UVSSA: variants seen among roughly 807,000 people sequenced by gnomAD.
UVSSA encodes the protein UV-stimulated scaffold protein A.
In UVSSA, 72 loss-of-function variants were observed where a neutral mutation model predicts 73.9. The ratio of observed to expected loss-of-function variants is 0.97; its 90% CI spans 0.81 to 1.19. The LOEUF is 1.19. Among genes scored for constraint, UVSSA ranks in the 50% most tolerant of loss-of-function variants. The pLI, the probability that UVSSA is intolerant of heterozygous loss-of-function variation, is 0.00. For synonymous variants in UVSSA, 454 were observed against 391.3 expected, an observed-to-expected ratio of 1.16 and a Z score of -1.89; for missense variants, 1,150 against 965.0, an observed-to-expected ratio of 1.19 and a Z score of -2.54.
intron 8 of UVSSA, among the ~76,000 whole-genome samples, 183 bp downstream of exon 8, chr4:1,366,614 G>A (rs1717364003): frequency 6.6e-6 from 1 of 152,224 alleles, no homozygotes. Context: ...AGTCGTGTGT[G>A]TGCTTTTCCT....
intron 3 of UVSSA, among the ~76,000 whole-genome samples, chr4:1,350,505 GA>G (rs1714538858): frequency 1.3e-5 from 2 of 152,226 alleles, no homozygotes; most frequent in Non-Finnish European, 2.9e-5. Context: ...CCTGCTAATG[GA>G]ACAAGCACAC....
intron 7 of UVSSA, 168 bp from the exon 8 acceptor site, chr4:1,366,152 A>G: frequency 1.7e-6 from 1 of 594,210 alleles, no homozygotes; most frequent in Non-Finnish European, 3.0e-6. Context: ...GGGAACAAGA[A>G]CAGCCTTGGA....
chr4:1,349,239 A>C (rs1307291840), intron 2 of UVSSA, among the ~76,000 whole-genome samples: 5 of 152,204 alleles, frequency 3.3e-5, no homozygotes, highest in African/African-American at 1.2e-4. Context: ...TTGTGAATGA[A>C]CACCGACATT....
chr4:1,378,167 A>G (rs538008537), intron 10 of UVSSA, among the ~76,000 whole-genome samples: 1 of 152,248 alleles, frequency 6.6e-6, no homozygotes, highest in South Asian at 2.1e-4. Context: ...CCGGGAAGCC[A>G]GGGCCTGGCC....
At chr4:1,384,095 C>A in intron 13 of UVSSA, 155 bp downstream of exon 13, 1 of 947,476 alleles carries the variant, frequency 1.1e-6, no homozygotes, top group South Asian at 1.8e-5. Context: ...AGCCTTTCCC[C>A]GGGGAGGGGC....
At chr4:1,388,985 A>C (rs1489212139), downstream of UVSSA, 2 of 152,030 alleles carry the variant, frequency 1.3e-5, no homozygotes, top group Non-Finnish European at 2.9e-5. Context: ...TATTTTTTGG[A>C]AGAGTTTGTG....
At chr4:1,395,270 G>T in exon 14 of UVSSA, 2 of 1,502,820 alleles carry the variant, frequency 1.3e-6, no homozygotes, top group Non-Finnish European at 1.8e-6. Flanking sequence ...GCCTGCTCAC[G>T]TGCCGATGTG....
chr4:1,370,975 C>T (rs75602231), intron 8 of UVSSA, among the ~76,000 whole-genome samples: 2 of 152,232 alleles, frequency 1.3e-5, no homozygotes, highest in East Asian at 1.9e-4. Flanking sequence ...CCCCTGTGCC[C>T]GGCGGCCTTG....
Position 1,381,138 on chromosome 4 carries a change from C to T in UVSSA, c.1861+150C>T, listed in dbSNP as rs1010980469. ...GCCTCTCGGTCATAACTGGCAGAATCAGGAGGGGATGCTGCCCTGAGGGTC... is the reference window on the plus strand; with the variant it reads ...GCCTCTCGGTCATAACTGGCAGAATTAGGAGGGGATGCTGCCCTGAGGGTC... On this transcript the variant is annotated intron_variant, in intron 12 of 13. Coordinates refer to ENST00000389851, the MANE Select transcript of UVSSA (RefSeq NM_020894.4). 1.6e-5 allele frequency: 12 copies of T among 754,380 alleles called. No individual in the cohort carries two copies. The East Asian group carries it at 2.5e-4, about 16-fold the overall frequency. The allele number at this position is 754,380 out of a possible 1,614,324, so 46.7% of individuals were successfully genotyped here. A position where few individuals can be genotyped will look rare whatever the true frequency, so the allele number is the denominator to read the frequency against.
chr4:1,359,142 A>G (rs1426176976), intron 7 of UVSSA: 1 of 152,202 alleles, frequency 6.6e-6, no homozygotes, highest in Non-Finnish European at 1.5e-5. Flanking sequence ...GCGGGTTTGA[A>G]TATGTGTGCT....
intron 7 of UVSSA, among the ~76,000 whole-genome samples, chr4:1,364,001 G>A (rs568591923): frequency 1.8e-3 from 260 of 142,884 alleles, no homozygotes; most frequent in African/African-American, 6.3e-3. Flanking sequence ...GCCTGGCTCC[G>A]TGGGGGCCAC....
At position 1,351,853 on chromosome 4, in the gene UVSSA, A is replaced by G; in HGVS notation, c.550+18A>G. Reference sequence around the variant, plus strand: ...GATGCAAGGCAAGTGTCCAGGACGGAGGGAGGGGCCCACGCCTCTGAGGGT... The same window carrying G: ...GATGCAAGGCAAGTGTCCAGGACGGGGGGAGGGGCCCACGCCTCTGAGGGT... On this transcript the variant is annotated intron_variant, in intron 4 of 13. Coordinates refer to ENST00000389851, the MANE Select transcript of UVSSA (RefSeq NM_020894.4). 12 of 1,611,486 alleles carry G rather than the reference A, an allele frequency of 7.4e-6. No individual in the cohort carries two copies. The highest frequency in any genetic ancestry group is 1.3e-5 in the African/African-American group (1 of 74,984).
At chr4:1,357,419 C>T (rs940588662) in intron 7 of UVSSA, among the ~76,000 whole-genome samples, 1 of 152,254 alleles carries the variant, frequency 6.6e-6, no homozygotes, top group African/African-American at 2.4e-5. Context: ...CTGGTGCTAC[C>T]CCTGCCTGCA....
chr4:1,383,208 A>C (rs926022539), intron 12 of UVSSA, among the ~76,000 whole-genome samples: 1 of 152,110 alleles, frequency 6.6e-6, no homozygotes, highest in Non-Finnish European at 1.5e-5. Context: ...CCCAGCCTGC[A>C]TTTCTGAGGC....
At chr4:1,346,100 A>T (rs149160773), upstream of UVSSA, among the ~76,000 whole-genome samples, 922 of 152,194 alleles carry the variant, frequency 6.1e-3, 8 homozygotes, top group African/African-American at 0.021. Context: ...CAGGGACAGA[A>T]GCTGGTGCTG....
chr4:1,390,568 G>GCTAC (rs1720389120), downstream of UVSSA: 1 of 152,244 alleles, frequency 6.6e-6, no homozygotes, highest in Admixed American at 6.5e-5. Flanking sequence ...ACAAGCATGA[G>GCTAC]CTACCATACC....
At chr4:1,353,887 C>T (rs6847965) in intron 5 of UVSSA, among the ~76,000 whole-genome samples, 32,658 of 152,110 alleles carry the variant, frequency 0.21, 3,606 homozygotes, top group Admixed American at 0.25. Context: ...GAAATGGCCA[C>T]GGGCAGCCTT....
At chr4:1,353,614 A>G (rs561950822) in intron 5 of UVSSA, among the ~76,000 whole-genome samples, 90 of 152,238 alleles carry the variant, frequency 5.9e-4, no homozygotes, top group African/African-American at 2.0e-3. Context: ...CTCTGTGGCC[A>G]CAGGGACACT....
chr4:1,360,106 G>A lies in UVSSA; in HGVS notation c.1176+4861G>A, dbSNP rs114101306. Among the ~76,000 whole-genome samples the A allele has an allele frequency of 5.7e-3, 867 of 152,340 alleles. 6 individuals are homozygous for A. Among genetic ancestry groups the A allele is most frequent in the African/African-American group, 0.02 (828 of 41,578 alleles). ...CCTAGGGCTGGGAAACAACCTTCCT[G>A]GGTGATGGGGCCCCTCCATCACGCC... On this transcript the variant is annotated intron_variant, in intron 7 of 13. Coordinates refer to ENST00000389851, the MANE Select transcript of UVSSA (RefSeq NM_020894.4).
Sources: allele counts gnomAD v4.1 joint callset (sites outside exome capture counted in the v4.1 genomes callset), GRCh38; gene constraint gnomAD v4.1.1; transcripts MANE v1.5; gene names NCBI Gene and HGNC (gene_info 2026-07-23, HGNC 2026-07-21).